ACACA: variants seen among roughly 807,000 people sequenced by gnomAD.
ACACA encodes the protein acetyl-CoA carboxylase alpha, also known as acetyl-CoA carboxylase 1.
ACACA carries 103 observed loss-of-function variants against 296.1 expected under a neutral mutation model. The ratio of observed to expected loss-of-function variants is 0.35; its 90% CI spans 0.30 to 0.41. The LOEUF (loss-of-function observed/expected upper bound fraction) is 0.41, where lower values mean the gene tolerates loss of function less well. ACACA is among the 10% of genes least tolerant of loss of function. The pLI is 1.00. For synonymous variants in ACACA, 953 were observed against 1,038.6 expected, an observed-to-expected ratio of 0.92 and a Z score of 1.58; for missense variants, 1,554 against 2,989.7, an observed-to-expected ratio of 0.52 and a Z score of 11.20.
At chr17:37,183,509 A>G (rs1244528810) in intron 39 of ACACA, among the ~76,000 whole-genome samples, 2 of 152,190 alleles carry the variant, frequency 1.3e-5, no homozygotes, top group African/African-American at 4.8e-5. Context: ...ATGTCCATCA[A>G]CAGGTTATCT....
chr17:37,210,345 C>T, intron 30 of ACACA, 122 bp downstream of exon 30: 1 of 878,818 alleles, frequency 1.1e-6, no homozygotes, highest in Non-Finnish European at 1.9e-6. Flanking sequence ...AAGGGGAGCT[C>T]AGGACTCCCT....
At chr17:37,299,226 T>G in intron 3 of ACACA, 3 of 1,555,876 alleles carry the variant, frequency 1.9e-6, no homozygotes, top group Non-Finnish European at 2.7e-6. Context: ...GTCAGTACCT[T>G]ACTGTTTTTT....
rs57591064 is a variant in ACACA at position 37,210,751 on chromosome 17, C to CAAA, written c.3684-264_3684-262dup. On this transcript the variant is annotated intron_variant, in intron 29 of 55. Coordinates refer to ENST00000616317, the MANE Select transcript of ACACA (RefSeq NM_198834.3). The stretch of plus-strand genomic sequence containing the variant: ...TGGATTTTAAAAATAGCTCTATTAC[C>CAAA]AAAAAAAAAAAAAAAAAAAAAAAAA... Among the ~76,000 whole-genome samples, 431 of 72,398 alleles carry CAAA rather than the reference C, an allele frequency of 6.0e-3. 14 individuals carry two copies. The highest frequency in any genetic ancestry group is 0.046 in the East Asian group (136 of 2,964). 47.5% of individuals were successfully genotyped at this position (72,398 alleles called of 152,430 possible).
Position 37,248,072 on chromosome 17 carries a change from C to T in ACACA, c.2248G>A (p.Gly750Arg), listed in dbSNP as rs750269559. 6.2e-7 allele frequency: 1 copy of T among 1,614,084 alleles called. No individual in the cohort carries two copies. The highest frequency in any genetic ancestry group is 1.1e-5 in the South Asian group (1 of 91,080). The change falls in exon 18 of 56, where the codon GGA becomes AGA. Residue 750 changes from glycine (G) to arginine (R), a missense_variant. Coordinates refer to ENST00000616317, the MANE Select transcript of ACACA (RefSeq NM_198834.3). ...EVDVHRLSDG[G>R]LLLSYDGSSY... ...CTGCCATCATAGGACAAGAGCAGTCCACCGTCACTCAGCCGATGTACATCT... is the reference window on the plus strand; with the variant it reads ...CTGCCATCATAGGACAAGAGCAGTCTACCGTCACTCAGCCGATGTACATCT...
chr17:37,322,763 A>G (rs2047414759), intron 3 of ACACA, among the ~76,000 whole-genome samples: 1 of 152,102 alleles, frequency 6.6e-6, no homozygotes, highest in Admixed American at 6.6e-5. Context: ...GGACGTCTGG[A>G]CACCGAGGGG....
At chr17:37,111,001 G>A (rs1323076493) in intron 52 of ACACA, among the ~76,000 whole-genome samples, 3 of 152,106 alleles carry the variant, frequency 2.0e-5, no homozygotes, top group Non-Finnish European at 4.4e-5. Context: ...GCAATGGCTG[G>A]AAGCATTAAG....
At chr17:37,290,966 C>A (rs2083024077) in intron 3 of ACACA, among the ~76,000 whole-genome samples, 1 of 150,868 alleles carries the variant, frequency 6.6e-6, no homozygotes, top group African/African-American at 2.4e-5. Context: ...CCTGTAGTCC[C>A]AGCTACTTGG....
chr17:37,096,720 C>T (rs534464552), intron 54 of ACACA, among the ~76,000 whole-genome samples: 2 of 152,194 alleles, frequency 1.3e-5, no homozygotes, highest in African/African-American at 2.4e-5. Context: ...GCCATGCCCC[C>T]AGAAGCAAAT....
At chr17:37,354,276 A>C (rs956111659) in intron 1 of ACACA, among the ~76,000 whole-genome samples, 5 of 152,204 alleles carry the variant, frequency 3.3e-5, no homozygotes, top group African/African-American at 1.2e-4. Flanking sequence ...AATGAGTCTA[A>C]GTCTCAACAT....
rs535699860 is a variant in ACACA, at chr17:37,381,477, C to T, written c.38+24785G>A. Among the ~76,000 whole-genome samples the T allele has an allele frequency of 1.6e-4, 25 of 151,922 alleles. 1 individual carries two copies. Among genetic ancestry groups the T allele is most frequent in the African/African-American group, 2.9e-4 (12 of 41,264 alleles). ...CTAGGATTACAAGCGTTAGCCACTG[C>T]GCCTGGCCAATCCCTTGCTTTTCCA... On this transcript the variant is annotated intron_variant, in intron 1 of 55. Transcript: ENST00000616317.
chr17:37,101,339 C>A (rs1177599972), intron 52 of ACACA, among the ~76,000 whole-genome samples: 2 of 152,154 alleles, frequency 1.3e-5, no homozygotes, highest in Non-Finnish European at 2.9e-5. Flanking sequence ...TCCTGGCTAT[C>A]CAATGCATAC....
intron 10 of ACACA, among the ~76,000 whole-genome samples, chr17:37,269,263 C>T (rs2081962324): frequency 6.6e-6 from 1 of 152,114 alleles, no homozygotes; most frequent in Admixed American, 6.5e-5. Flanking sequence ...CATAAGCCAC[C>T]AATCCTGGCC....
intron 1 of ACACA, among the ~76,000 whole-genome samples, chr17:37,345,102 G>A (rs749257571): frequency 1.6e-4 from 24 of 152,222 alleles, no homozygotes; most frequent in Admixed American, 3.3e-4. Flanking sequence ...TGCCCAGGCT[G>A]GAGTCCAGTG....
Position 37,330,166 on chromosome 17 carries a change from C to A in ACACA, c.338+7G>T. 8.7e-6 allele frequency: 14 copies of A among 1,614,110 alleles called. No individual in the cohort carries two copies. The highest frequency in any genetic ancestry group is 1.2e-5 in the Non-Finnish European group (14 of 1,179,982). On this transcript the variant is annotated splice_region_variant and intron_variant, in intron 3 of 55. Coordinates refer to ENST00000616317, the MANE Select transcript of ACACA (RefSeq NM_198834.3). The stretch of plus-strand genomic sequence containing the variant: ...TTAAATAAGTAGACCATTGAACTCT[C>A]TCTTACCTTATGTGCAAGGCCAAGC...
At chr17:37,190,993 T>G (rs1024628919) in intron 38 of ACACA, 127 bp downstream of exon 38, 10 of 1,167,776 alleles carry the variant, frequency 8.6e-6, no homozygotes, top group Non-Finnish European at 1.2e-5. Flanking sequence ...TTCTATAAAC[T>G]TTACAGATTA....
intron 1 of ACACA, among the ~76,000 whole-genome samples, chr17:37,401,981 G>A (rs528094081): frequency 8.5e-5 from 13 of 152,242 alleles, no homozygotes; most frequent in African/African-American, 2.6e-4. Context: ...AGTTTTCTTC[G>A]TTGGGTTCCT....
chr17:37,133,183 G>A (rs1354719530), intron 45 of ACACA, among the ~76,000 whole-genome samples: 4 of 152,146 alleles, frequency 2.6e-5, no homozygotes, highest in Non-Finnish European at 5.9e-5. Flanking sequence ...GGGAGATGGG[G>A]GGTAGGGTGG....
intron 3 of ACACA, among the ~76,000 whole-genome samples, chr17:37,306,150 C>T (rs2083875692): frequency 1.3e-5 from 2 of 152,080 alleles, no homozygotes; most frequent in East Asian, 1.9e-4. Flanking sequence ...CCTTGTGATC[C>T]GCCCACCTCG....
chr17:37,243,761 G>C (rs2080540387), intron 21 of ACACA, among the ~76,000 whole-genome samples: 1 of 152,130 alleles, frequency 6.6e-6, no homozygotes, highest in South Asian at 2.1e-4. Flanking sequence ...CTGTAATTTT[G>C]ATCCATGTTT....
Sources: allele counts gnomAD v4.1 joint callset (sites outside exome capture counted in the v4.1 genomes callset), GRCh38; gene constraint gnomAD v4.1.1; transcripts MANE v1.5; gene names NCBI Gene and HGNC (gene_info 2026-07-23, HGNC 2026-07-21).